AGBL1: variants seen among roughly 807,000 people sequenced by gnomAD.
AGBL1 encodes cytosolic carboxypeptidase 4.
AGBL1 carries 130 observed loss-of-function variants against 118.9 expected under a neutral mutation model. The ratio of observed to expected loss-of-function variants is 1.09; its 90% CI spans 0.95 to 1.26. AGBL1 has a LOEUF of 1.26. Ranked by LOEUF, AGBL1 falls within the 50% of genes most tolerant of loss-of-function variation. AGBL1 has a pLI of 0.00. For missense variants in AGBL1, 1,584 were observed against 1,298.1 expected (o/e 1.22, Z -3.38); for synonymous variants, 555 against 478.9 (o/e 1.16, Z -2.08).
chr15:86,895,057 CTTTTATCTTCCCTCCTTCCCT>C (rs1464080001), intron 22 of AGBL1, among the ~76,000 whole-genome samples: 3 of 151,138 alleles, frequency 2.0e-5, no homozygotes, highest in Admixed American at 1.3e-4. Flanking sequence ...TTCCTTCTTT[CTTTTATCTTCCCTCCTTCCCT>C]TTCTTTTATC....
chr15:86,204,427 G>A (rs1015914951), intron 5 of AGBL1, among the ~76,000 whole-genome samples: 1 of 152,042 alleles, frequency 6.6e-6, no homozygotes, highest in Non-Finnish European at 1.5e-5. Context: ...CCCCCTACCT[G>A]TTATCTGTGT....
Position 86,869,288 on chromosome 15 carries a change from G to A in AGBL1, c.3159-37799G>A, listed in dbSNP as rs554748263. On this transcript the variant is annotated intron_variant, in intron 22 of 22. Coordinates refer to ENST00000614907, the MANE Select transcript of AGBL1 (RefSeq NM_001386094.1). ...CCACCGTGTCTTCCCAGTGGTCCAC[G>A]TGATGCCCACCCCTGAATGCACAAT... is the stretch of plus-strand genomic sequence containing the variant. Among the ~76,000 whole-genome samples, 171 of 152,188 alleles carry A rather than the reference G, an allele frequency of 1.1e-3. 1 individual carries two copies. The highest frequency in any genetic ancestry group is 1.1e-3 in the Non-Finnish European group (74 of 68,010).
intron 17 of AGBL1, among the ~76,000 whole-genome samples, chr15:86,351,603 C>T (rs2080627622): frequency 6.6e-6 from 1 of 152,054 alleles, no homozygotes; most frequent in Non-Finnish European, 1.5e-5. Context: ...TTTGGAAGAC[C>T]CAGCTTTCAT....
intron 5 of AGBL1, among the ~76,000 whole-genome samples, chr15:86,196,879 G>GCGCGCGCGCACACA (rs756313941): frequency 1.4e-3 from 163 of 117,004 alleles, no homozygotes; most frequent in African/African-American, 4.5e-3. Flanking sequence ...GCGCGCGCGC[G>GCGCGCGCGCACACA]CACACACACA....
At chr15:86,718,228 G>C (rs1016878730) in intron 22 of AGBL1, among the ~76,000 whole-genome samples, 1 of 152,040 alleles carries the variant, frequency 6.6e-6, no homozygotes, top group Admixed American at 6.5e-5. Context: ...TTGAGTTCAT[G>C]TCTTTTGTAC....
chr15:86,621,029 G>A (rs1472163389), intron 21 of AGBL1, among the ~76,000 whole-genome samples: 1 of 152,012 alleles, frequency 6.6e-6, no homozygotes, highest in African/African-American at 2.4e-5. Context: ...CGCTTTCCTG[G>A]AATTTGCAAC....
intron 24 of AGBL1, among the ~76,000 whole-genome samples, chr15:87,008,750 G>A (rs945160410): frequency 6.6e-6 from 1 of 152,212 alleles, no homozygotes; most frequent in African/African-American, 2.4e-5. Flanking sequence ...AGATGGAGAG[G>A]AGGAACTTGT....
intron 22 of AGBL1, among the ~76,000 whole-genome samples, chr15:86,756,090 G>A (rs1033099723): frequency 2.0e-5 from 3 of 152,102 alleles, no homozygotes; most frequent in Non-Finnish European, 2.9e-5. Context: ...AAATATAGTA[G>A]GGTCAATTAT....
chr15:86,197,810 G>A (rs1323456512), intron 5 of AGBL1, among the ~76,000 whole-genome samples: 1 of 151,954 alleles, frequency 6.6e-6, no homozygotes, highest in Non-Finnish European at 1.5e-5. Flanking sequence ...AGAGCAAAAG[G>A]AACTAAGTGA....
At chr15:86,822,055 C>T (rs1205907327) in intron 22 of AGBL1, among the ~76,000 whole-genome samples, 1 of 152,188 alleles carries the variant, frequency 6.6e-6, no homozygotes, top group Non-Finnish European at 1.5e-5. Context: ...AGTACCTGTT[C>T]AGTGTCCATG....
chr15:86,337,222 T>C (rs1408341677), intron 17 of AGBL1, among the ~76,000 whole-genome samples: 1 of 152,232 alleles, frequency 6.6e-6, no homozygotes, highest in Non-Finnish European at 1.5e-5. Flanking sequence ...TCATGTGTTA[T>C]TTTGTTTACA....
chr15:86,400,590 G>C (rs1255351473), intron 18 of AGBL1, among the ~76,000 whole-genome samples: 2 of 150,482 alleles, frequency 1.3e-5, no homozygotes, highest in South Asian at 4.2e-4. Flanking sequence ...CCAATGTGTA[G>C]TCTTTTATCC....
At chr15:86,987,341 C>T (rs1897656) in intron 23 of AGBL1, among the ~76,000 whole-genome samples, 133,215 of 152,088 alleles carry the variant, frequency 0.88, 58,631 homozygotes, top group South Asian at 0.98. Context: ...GATTTTTGTA[C>T]ATTGTTTTGC....
chr15:86,118,121 T>C (rs1386044267), intron 1 of AGBL1, among the ~76,000 whole-genome samples: 1 of 152,202 alleles, frequency 6.6e-6, no homozygotes, highest in Non-Finnish European at 1.5e-5. Flanking sequence ...AAAATCTCTC[T>C]TTCAAGAGAT....
chr15:86,185,076 C>A (rs1210309470), intron 5 of AGBL1, among the ~76,000 whole-genome samples: 2 of 152,014 alleles, frequency 1.3e-5, no homozygotes, highest in Non-Finnish European at 2.9e-5. Flanking sequence ...AAAAACAACC[C>A]CATCAAAAAG....
rs1222601369 is a variant in AGBL1, at chr15:86,999,769, A to T, written c.3323+11681A>T. Among the ~76,000 whole-genome samples, 9 of 146,632 alleles carry T rather than the reference A, an allele frequency of 6.1e-5. No homozygotes were observed. The East Asian group carries it at 1.2e-3, about 20-fold the overall frequency. On this transcript the variant is annotated intron_variant, in intron 24 of 24. Coordinates refer to the AGBL1 transcript ENST00000441037. Reference sequence around the variant, plus strand: ...TAATGGGATGGCTGGGTCAAATGGTATTTCCAGTTCTAGATCCCTGAGGAA... The same window carrying T: ...TAATGGGATGGCTGGGTCAAATGGTTTTTCCAGTTCTAGATCCCTGAGGAA...
At chr15:86,952,377 G>T (rs1439172407) in intron 23 of AGBL1, among the ~76,000 whole-genome samples, 2 of 151,938 alleles carry the variant, frequency 1.3e-5, no homozygotes, top group Non-Finnish European at 2.9e-5. Context: ...TATCTAGTAA[G>T]GTCATGATAT....
intron 21 of AGBL1, among the ~76,000 whole-genome samples, chr15:86,555,700 CTT>C (rs1421140754): frequency 2.0e-5 from 3 of 152,300 alleles, no homozygotes; most frequent in African/African-American, 7.2e-5. Context: ...AGATCTCACT[CTT>C]TCACTTACCA....
rs1315347945 is a variant in AGBL1 at position 86,744,525 on chromosome 15, G to A, written c.3158+70089G>A. 2.6e-5 allele frequency among the ~76,000 whole-genome samples: 4 copies of A among 152,078 alleles called. No homozygotes were observed. The East Asian group carries it at 7.7e-4, about 29-fold the overall frequency. On this transcript the variant is annotated intron_variant, in intron 22 of 22. Coordinates refer to ENST00000614907, the MANE Select transcript of AGBL1 (RefSeq NM_001386094.1). ...AATCAAGGGACCTTTCAGGGAATCA[G>A]GGCAATAACAGTGGAGTCCAAGACC...
Sources: gnomAD v4.1 joint callset for allele counts (sites outside exome capture counted in the v4.1 genomes callset) on GRCh38, gnomAD v4.1.1 for gene constraint, MANE v1.5 for transcripts, NCBI Gene and HGNC (gene_info 2026-07-23, HGNC 2026-07-21) for gene names.